Variants in ARHGEF10L observed in about 807,000 individuals in gnomAD.
The protein encoded by ARHGEF10L is Rho guanine nucleotide exchange factor 10 like.
Under a neutral mutation model 141.2 loss-of-function variants are expected in ARHGEF10L, and 69 were observed. The observed-to-expected ratio is 0.49, with a 90% CI of 0.40 to 0.60. ARHGEF10L has a LOEUF of 0.60. Ranked by LOEUF, ARHGEF10L falls within the 20% of genes least tolerant of loss-of-function variation. The pLI is 0.00. For synonymous variants in ARHGEF10L, 711 were observed against 718.5 expected, an observed-to-expected ratio of 0.99 and a Z score of 0.17; for missense variants, 1,482 against 1,734.3, an observed-to-expected ratio of 0.85 and a Z score of 2.58.
intron 4 of ARHGEF10L, among the ~76,000 whole-genome samples, chr1:17,590,511 C>T (rs1039674631): frequency 2.6e-5 from 4 of 152,134 alleles, no homozygotes; most frequent in Non-Finnish European, 5.9e-5. Flanking sequence ...TGTCTCTCCA[C>T]CAGCAGTTGC....
At chr1:17,669,239 T>C (rs190712388) in intron 26 of ARHGEF10L, among the ~76,000 whole-genome samples, 7 of 152,200 alleles carry the variant, frequency 4.6e-5, no homozygotes, top group Middle Eastern at 3.4e-3. Context: ...TTGGCTGAGG[T>C]TGTGGCTAGC....
intron 23 of ARHGEF10L, among the ~76,000 whole-genome samples, chr1:17,655,028 C>T (rs1007461313): frequency 5.3e-5 from 8 of 152,194 alleles, no homozygotes; most frequent in Admixed American, 3.9e-4. Flanking sequence ...GATCTTCACC[C>T]CTGGAGTCAG....
the ARHGEF10L span, among the ~76,000 whole-genome samples, chr1:17,520,161 G>T: frequency 6.6e-6 from 1 of 152,196 alleles, no homozygotes; most frequent in Non-Finnish European, 1.5e-5. Flanking sequence ...CTCCCAGGCT[G>T]GTTGATGGAT....
At chr1:17,596,556 T>G (rs567747020) in intron 4 of ARHGEF10L, among the ~76,000 whole-genome samples, 1 of 152,244 alleles carries the variant, frequency 6.6e-6, no homozygotes, top group Non-Finnish European at 1.5e-5. Flanking sequence ...GGCCCCAGAA[T>G]GCTTGTGCGT....
At chr1:17,572,878 AC>A (rs928816265) in intron 1 of ARHGEF10L, among the ~76,000 whole-genome samples, 5 of 151,856 alleles carry the variant, frequency 3.3e-5, no homozygotes, top group African/African-American at 1.2e-4. Flanking sequence ...CAAAGGTTGT[AC>A]CTCAGCTTGG....
At chr1:17,653,661 A>T (rs1022665464) in intron 22 of ARHGEF10L, among the ~76,000 whole-genome samples, 1 of 152,252 alleles carries the variant, frequency 6.6e-6, no homozygotes, top group East Asian at 1.9e-4. Flanking sequence ...GGGGCCCCAG[A>T]GTGCCAAGGC....
At position 17,619,206 on chromosome 1, in the gene ARHGEF10L, C is replaced by G. The variant is rs563763437; in HGVS notation, c.836-133C>G. 7.4e-6 allele frequency: 6 copies of G among 808,360 alleles called. No individual in the cohort carries two copies. The highest frequency in any genetic ancestry group is 1.2e-5 in the Non-Finnish European group (6 of 498,892). 50.1% of individuals were successfully genotyped at this position (808,360 alleles called of 1,614,324 possible). On this transcript the variant is annotated intron_variant, in intron 9 of 28. Transcript: ENST00000361221. This position sits in a 1 kb window ranked among gnomAD's most constrained non-coding sequence, Gnocchi z 5.0. ...GAGCTACCGGGCGGCTCTAACCCCACGGGGCCCCAGGAGCTGCTTGCACCC... is the reference window on the plus strand; with the variant it reads ...GAGCTACCGGGCGGCTCTAACCCCAGGGGGCCCCAGGAGCTGCTTGCACCC...
At chr1:17,622,282 G>T (rs2060146851) in intron 11 of ARHGEF10L, among the ~76,000 whole-genome samples, 1 of 152,150 alleles carries the variant, frequency 6.6e-6, no homozygotes, top group Non-Finnish European at 1.5e-5. Flanking sequence ...CCATCCTCCT[G>T]GGATCCTTAG....
chr1:17,616,252 G>A, intron 9 of ARHGEF10L, 50 bp downstream of exon 9: 1 of 1,219,544 alleles, frequency 8.2e-7, no homozygotes, highest in African/African-American at 1.5e-5. Context: ...CTGACTGGGG[G>A]TCGGGGAGGG....
rs1430794884 is a variant in ARHGEF10L, at chr1:17,632,395, G to T, written c.1659G>T (p.Gln553His). 6.2e-7 allele frequency: 1 copy of T among 1,614,088 alleles called. No individual in the cohort carries two copies. Among genetic ancestry groups the T allele is most frequent in the Non-Finnish European group, 8.5e-7 (1 of 1,180,052 alleles). ...AGACCGTGTACGGTGACCGCGGGCA[G>T]CTAATTAAGTCCAAGGAGCGTCGGG... ...LTETVYGDRG[Q>H]LIKSKERRVF... The change falls in exon 16 of 29, where the codon CAG becomes CAT. Residue 553 changes from glutamine to histidine, a missense_variant. Physicochemically the swap from Gln to His is conservative, Grantham distance 24 (BLOSUM62 0). Around this residue, in one of 3 missense-constraint regions of ARHGEF10L, gnomAD observed 392 missense variants for 542.1 expected, o/e 0.72. Coordinates refer to ENST00000361221, the MANE Select transcript of ARHGEF10L (RefSeq NM_018125.4).
chr1:17,516,232 G>C, the ARHGEF10L span, among the ~76,000 whole-genome samples: 2 of 152,350 alleles, frequency 1.3e-5, no homozygotes, highest in Admixed American at 6.5e-5. Context: ...TGGAGTGACC[G>C]ACAGTTTGGG....
Position 17,603,807 on chromosome 1 carries a change from C to A in ARHGEF10L, c.433+216C>A, listed in dbSNP as rs2080923381. Among the ~76,000 whole-genome samples the A allele has an allele frequency of 6.6e-6, 1 of 152,228 alleles. No individual in the cohort carries two copies. The highest frequency in any genetic ancestry group is 2.1e-4 in the South Asian group (1 of 4,830). On this transcript the variant is annotated intron_variant, in intron 6 of 28. Coordinates refer to ENST00000361221, the MANE Select transcript of ARHGEF10L (RefSeq NM_018125.4). The surrounding 1 kb of genome is among the most constrained non-coding windows in gnomAD (Gnocchi z 4.8). ...CAGGGCTTGGGCATCATGGGCAGGG[C>A]CATGCTCCGGCTATGGGTCCCCGGG...
intron 1 of ARHGEF10L, among the ~76,000 whole-genome samples, chr1:17,578,984 G>C (rs939894108): frequency 2.0e-5 from 3 of 152,116 alleles, no homozygotes; most frequent in African/African-American, 7.2e-5. Context: ...GGGGGACTGG[G>C]GGATTAGGGC....
chr1:17,676,056 G>A (rs1227326482), intron 26 of ARHGEF10L, among the ~76,000 whole-genome samples: 2 of 146,276 alleles, frequency 1.4e-5, no homozygotes, highest in Non-Finnish European at 3.0e-5. Flanking sequence ...GTAGGTGCAG[G>A]CATGGGTGCA....
intron 19 of ARHGEF10L, among the ~76,000 whole-genome samples, 183 bp downstream of exon 19, chr1:17,638,186 T>G (rs1195035241): frequency 1.3e-5 from 2 of 152,246 alleles, no homozygotes; most frequent in Non-Finnish European, 2.9e-5. Flanking sequence ...AAGTCTCTTT[T>G]GCGGCCGCTG....
Position 17,603,258 on chromosome 1 carries a change from G to A in ARHGEF10L, c.350-250G>A, listed in dbSNP as rs552645850. Among the ~76,000 whole-genome samples, 3 of 149,318 alleles carry A rather than the reference G, an allele frequency of 2.0e-5. 1 individual carries two copies. The South Asian group carries it at 6.4e-4, about 32-fold the overall frequency. On this transcript the variant is annotated intron_variant, in intron 5 of 28. Coordinates refer to ENST00000361221, the MANE Select transcript of ARHGEF10L (RefSeq NM_018125.4). This position sits in a 1 kb window ranked among gnomAD's most constrained non-coding sequence, Gnocchi z 4.8. ...GTCCATTAGCCAGATGGGCAGGCCTGCGGGCAGCAGGGAGCCAGGTGGGGT... is the reference window on the plus strand; with the variant it reads ...GTCCATTAGCCAGATGGGCAGGCCTACGGGCAGCAGGGAGCCAGGTGGGGT...
At chr1:17,538,369 G>C (rs2076612309), upstream of ARHGEF10L, among the ~76,000 whole-genome samples, 1 of 152,190 alleles carries the variant, frequency 6.6e-6, no homozygotes, top group Non-Finnish European at 1.5e-5. Flanking sequence ...TGCCTAGAAC[G>C]ATGTCTGGAA....
chr1:17,609,536 A>G (rs1166126279), intron 7 of ARHGEF10L, among the ~76,000 whole-genome samples: 1 of 152,246 alleles, frequency 6.6e-6, no homozygotes, highest in Non-Finnish European at 1.5e-5. Context: ...TGAATGGGAA[A>G]CAGTTTGTCA....
At position 17,641,563 on chromosome 1, in the gene ARHGEF10L, C is replaced by T. The variant is rs117145830; in HGVS notation, c.2272+1261C>T. Among the ~76,000 whole-genome samples, 12 of 152,166 alleles carry T rather than the reference C, an allele frequency of 7.9e-5. No homozygotes were observed. In the East Asian group the frequency reaches 1.4e-3, roughly 17 times the overall value. The stretch of plus-strand genomic sequence containing the variant: ...GCTTGAATCCGGGAGTTCGAGTTTG[C>T]GGCGAGCCAAGATCATGCCACTGCA... On this transcript the variant is annotated intron_variant, in intron 21 of 28. Coordinates refer to ENST00000361221, the MANE Select transcript of ARHGEF10L (RefSeq NM_018125.4).
Sources: allele counts gnomAD v4.1 joint callset (sites outside exome capture counted in the v4.1 genomes callset), GRCh38; gene constraint gnomAD v4.1.1; regional missense constraint gnomAD v4.1.1; non-coding constraint Gnocchi (gnomAD v3.1); transcripts MANE v1.5; gene names NCBI Gene and HGNC (gene_info 2026-07-23, HGNC 2026-07-21).